RSBN1L: variants seen among roughly 807,000 people sequenced by gnomAD.
RSBN1L encodes lysine-specific demethylase RSBN1L.
Under a neutral mutation model 67.7 loss-of-function variants are expected in RSBN1L, and 30 were observed. The observed-to-expected ratio is 0.44, with a 90% CI of 0.33 to 0.60. The LOEUF is 0.60. Ranked by LOEUF, RSBN1L falls within the 20% of genes least tolerant of loss-of-function variation. The pLI is 0.02. For synonymous variants in RSBN1L, 433 were observed against 387.0 expected, an observed-to-expected ratio of 1.12 and a Z score of -1.39; for missense variants, 992 against 1,031.7, an observed-to-expected ratio of 0.96 and a Z score of 0.53.
chr7:77,735,864 A>G (rs1442104651), intron 1 of RSBN1L, among the ~76,000 whole-genome samples: 1 of 152,144 alleles, frequency 6.6e-6, no homozygotes, highest in African/African-American at 2.4e-5. Context: ...AAGTAGTCAG[A>G]TTGAGTCATA....
chr7:77,762,914 C>G (rs1306153643), intron 3 of RSBN1L, among the ~76,000 whole-genome samples: 1 of 152,020 alleles, frequency 6.6e-6, no homozygotes, highest in Admixed American at 6.6e-5. Flanking sequence ...GAAGAATTCA[C>G]TTAATGAAAA....
At chr7:77,738,000 G>A (rs1791359010) in intron 2 of RSBN1L, among the ~76,000 whole-genome samples, 1 of 150,614 alleles carries the variant, frequency 6.6e-6, no homozygotes, top group South Asian at 2.1e-4. Context: ...TCCAGCCTGG[G>A]CAATAGAGTG....
intron 1 of RSBN1L, among the ~76,000 whole-genome samples, chr7:77,702,885 A>G (rs1399496053): frequency 6.6e-6 from 1 of 152,010 alleles, no homozygotes; most frequent in African/African-American, 2.4e-5. Flanking sequence ...AAAGCTACCA[A>G]TTTTATTGGA....
At chr7:77,756,440 T>A (rs1791618242) in intron 3 of RSBN1L, among the ~76,000 whole-genome samples, 1 of 152,030 alleles carries the variant, frequency 6.6e-6, no homozygotes, top group Non-Finnish European at 1.5e-5. Flanking sequence ...GACCTTTATT[T>A]TTTAGAATAT....
At chr7:77,705,940 G>A (rs922552238) in intron 1 of RSBN1L, among the ~76,000 whole-genome samples, 5 of 151,614 alleles carry the variant, frequency 3.3e-5, no homozygotes, top group African/African-American at 4.9e-5. Flanking sequence ...TCACTTTGTC[G>A]CCAAGGCTGG....
At chr7:77,734,462 T>C (rs964900011) in intron 1 of RSBN1L, among the ~76,000 whole-genome samples, 2 of 152,090 alleles carry the variant, frequency 1.3e-5, no homozygotes, top group Non-Finnish European at 2.9e-5. Flanking sequence ...TATTATATAA[T>C]GTGTCTAAGC....
intron 3 of RSBN1L, among the ~76,000 whole-genome samples, chr7:77,752,608 T>C (rs1791569025): frequency 6.6e-6 from 1 of 152,200 alleles, no homozygotes; most frequent in Non-Finnish European, 1.5e-5. Context: ...TCAGCCTACA[T>C]TGAAGTGTCC....
At chr7:77,713,164 A>T (rs938290620) in intron 1 of RSBN1L, among the ~76,000 whole-genome samples, 1 of 151,980 alleles carries the variant, frequency 6.6e-6, no homozygotes, top group Non-Finnish European at 1.5e-5. Context: ...TTCTTTTTTT[A>T]AAAATTGATT....
Position 77,696,565 on chromosome 7 carries a change from C to T in RSBN1L, c.96C>T (p.Ser32=), listed in dbSNP as rs373799868. 3.1e-6 allele frequency: 5 copies of T among 1,614,142 alleles called. No individual in the cohort carries two copies. Among genetic ancestry groups the T allele is most frequent in the Non-Finnish European group, 4.2e-6 (5 of 1,180,016 alleles). Residue 32 remains serine (S), a synonymous_variant, in exon 1 of 8, where the codon TCC becomes TCT. Coordinates refer to ENST00000334955, the MANE Select transcript of RSBN1L (RefSeq NM_198467.3). ...AACCGTTTGGCAAGCTGCAACTCTC[C>T]TCCCGGGACCCTCCGGGTTCTCTGT... ...EKEPFGKLQL[S]SRDPPGSLSA...
At chr7:77,768,444 C>T in intron 4 of RSBN1L, 3 of 503,096 alleles carry the variant, frequency 6.0e-6, no homozygotes, top group South Asian at 5.2e-5. Context: ...AGGGACAGAA[C>T]CATCCAAGCA....
In RSBN1L at chr7:77,779,829, T is replaced by C. The variant is rs1791975171; in HGVS notation, c.*661T>C. 1 of 151,656 alleles carries C rather than the reference T, an allele frequency of 6.6e-6. No homozygotes were observed. 9.4% of individuals were successfully genotyped at this position (151,656 alleles called of 1,614,324 possible). On this transcript the variant is annotated 3_prime_UTR_variant, in exon 8 of 8. Transcript: ENST00000334955. ...ACACTGTGCAGGCTTTTTTTTTTTT[T>C]TCTTTTTTTCTTTTTTTTGATACGG...
At chr7:77,718,192 G>A (rs1366106416) in intron 1 of RSBN1L, among the ~76,000 whole-genome samples, 1 of 152,200 alleles carries the variant, frequency 6.6e-6, no homozygotes, top group African/African-American at 2.4e-5. Context: ...TGTCACAGAA[G>A]TTATGGGAGG....
intron 6 of RSBN1L, among the ~76,000 whole-genome samples, chr7:77,776,526 G>A (rs550394107): frequency 2.0e-5 from 3 of 152,266 alleles, no homozygotes; most frequent in East Asian, 3.9e-4. Context: ...ATCAAATAAC[G>A]TGGTCTTTTG....
At chr7:77,767,664 C>T (rs1045065984) in intron 4 of RSBN1L, among the ~76,000 whole-genome samples, 2 of 151,246 alleles carry the variant, frequency 1.3e-5, no homozygotes, top group Non-Finnish European at 3.0e-5. Context: ...CCTGAGCCAC[C>T]GTGCCCGGCC....
At chr7:77,767,522 C>A (rs938512319) in intron 4 of RSBN1L, among the ~76,000 whole-genome samples, 2 of 151,698 alleles carry the variant, frequency 1.3e-5, no homozygotes, top group Non-Finnish European at 2.9e-5. Context: ...TACAGACACA[C>A]ACTACCATGC....
In RSBN1L at chr7:77,745,073, A is replaced by G. The variant is rs1401636527; in HGVS notation, c.704-4351A>G. Among the ~76,000 whole-genome samples the G allele has an allele frequency of 6.6e-5, 10 of 152,116 alleles. No homozygotes were observed. In the South Asian group the frequency reaches 1.7e-3, roughly 25 times the overall value. ...GGTCAAGAGTTCAAGACCAGCCTGA[A>G]CAACATGGTGAAACCCTGTCTCTAC... On this transcript the variant is annotated intron_variant, in intron 2 of 7. Coordinates refer to ENST00000334955, the MANE Select transcript of RSBN1L (RefSeq NM_198467.3).
intron 4 of RSBN1L, among the ~76,000 whole-genome samples, chr7:77,767,027 C>T (rs1224928807): frequency 1.4e-5 from 2 of 146,258 alleles, no homozygotes; most frequent in African/African-American, 2.7e-5. Flanking sequence ...TCCCCTTCCC[C>T]TTCCCTTTCC....
intron 1 of RSBN1L, among the ~76,000 whole-genome samples, chr7:77,713,493 A>G (rs1026361546): frequency 1.3e-5 from 2 of 151,858 alleles, no homozygotes; most frequent in Non-Finnish European, 2.9e-5. Flanking sequence ...AGTAGCTGGG[A>G]CTACAGGCGC....
At chr7:77,736,824 AG>A (rs1791343726) in intron 2 of RSBN1L, among the ~76,000 whole-genome samples, 1 of 152,190 alleles carries the variant, frequency 6.6e-6, no homozygotes, top group South Asian at 2.1e-4. Context: ...ACTCATATTT[AG>A]ATAATCTAAA....
Sources: allele counts gnomAD v4.1 joint callset (sites outside exome capture counted in the v4.1 genomes callset), GRCh38; gene constraint gnomAD v4.1.1; transcripts MANE v1.5; gene names NCBI Gene and HGNC (gene_info 2026-07-23, HGNC 2026-07-21).